The following PLEKHS1 variants were observed in gnomAD, a reference collection of about 807,000 sequenced individuals.
PLEKHS1 encodes pleckstrin homology domain containing S1, also known as pleckstrin homology domain-containing family S member 1.
PLEKHS1 carries 55 observed loss-of-function variants against 51.0 expected under a neutral mutation model. The ratio of observed to expected loss-of-function variants is 1.08; its 90% confidence interval spans 0.87 to 1.35. The LOEUF (loss-of-function observed/expected upper bound fraction) is 1.35. Among genes scored for constraint, PLEKHS1 ranks in the 40% most tolerant of loss-of-function variants. The probability of loss-of-function intolerance (pLI) is 0.00; values close to 1 mark genes in which losing one functional copy is unlikely to be tolerated. For missense variants in PLEKHS1, 398 were observed against 423.0 expected (o/e 0.94, Z 0.52); for synonymous variants, 153 against 144.8 (o/e 1.06, Z -0.41).
Position 113,780,596 on chromosome 10 carries a change from T to C in PLEKHS1, c.*-6T>C. The C allele has an allele frequency of 6.2e-7, 1 of 1,611,390 alleles. No homozygotes were observed. The highest frequency in any genetic ancestry group is 8.5e-7 in the Non-Finnish European group (1 of 1,177,860). ...CCATTTAACTTTCTTCTTTCTTGTG[T>C]TTTAGAAATTAAAGCTTACCATCGG... On this transcript the variant is annotated splice_polypyrimidine_tract_variant and splice_region_variant and intron_variant, in intron 11 of 11. Coordinates refer to ENST00000361048, the Ensembl canonical transcript of PLEKHS1.
At chr10:113,771,632 G>A (rs1009319769) in intron 7 of PLEKHS1, among the ~76,000 whole-genome samples, 7 of 137,556 alleles carry the variant, frequency 5.1e-5, no homozygotes, top group Admixed American at 8.1e-5. Context: ...CCGAGATCGC[G>A]CCACTGCACT....
rs377685343 is a variant in PLEKHS1 at position 113,764,261 on chromosome 10, C to G, written c.29-2150C>G. Reference sequence around the variant, plus strand: ...GACTACAGGCTTGCACCACCATGCCCGGCTAATTTTTGTATTTTTGTAGAG... The same window carrying G: ...GACTACAGGCTTGCACCACCATGCCGGGCTAATTTTTGTATTTTTGTAGAG... On this transcript the variant is annotated intron_variant, in intron 2 of 11. Coordinates refer to ENST00000361048, the Ensembl canonical transcript of PLEKHS1. Among the ~76,000 whole-genome samples the G allele has an allele frequency of 1.2e-4, 19 of 152,096 alleles. 1 individual carries two copies. The highest frequency in any genetic ancestry group is 2.5e-4 in the Non-Finnish European group (17 of 67,972).
intron 11 of PLEKHS1, chr10:113,777,510 C>A: frequency 6.4e-7 from 1 of 1,564,728 alleles, no homozygotes. Context: ...CATGATGTAG[C>A]AAAAAGAGCT....
chr10:113,765,194 G>A (rs896718285), intron 2 of PLEKHS1: 2 of 485,036 alleles, frequency 4.1e-6, no homozygotes, highest in Non-Finnish European at 7.5e-6. Context: ...CTTGAGCTTT[G>A]TTCTGGGATA....
At chr10:113,769,295 A>C (rs1337865187) in intron 6 of PLEKHS1, among the ~76,000 whole-genome samples, 1 of 152,240 alleles carries the variant, frequency 6.6e-6, no homozygotes, top group African/African-American at 2.4e-5. Context: ...TTTCATGTAC[A>C]TGCTTAGCAG....
intron 2 of PLEKHS1, among the ~76,000 whole-genome samples, chr10:113,763,134 A>G (rs776226140): frequency 1.3e-5 from 2 of 152,118 alleles, no homozygotes; most frequent in Non-Finnish European, 2.9e-5. Flanking sequence ...TTATAAGGGC[A>G]TATATGTTTA....
chr10:113,777,534 A>T (rs1290179925), intron 11 of PLEKHS1: 4 of 1,553,820 alleles, frequency 2.6e-6, no homozygotes, highest in Admixed American at 3.9e-5. Flanking sequence ...ATGGAATCAG[A>T]CTGGTGCAGG....
intron 11 of PLEKHS1, chr10:113,777,146 C>T (rs1353554553): frequency 1.2e-6 from 2 of 1,612,736 alleles, no homozygotes; most frequent in African/African-American, 1.3e-5. Context: ...GGAAGGCCCC[C>T]CACGTTTGGG....
intron 11 of PLEKHS1, among the ~76,000 whole-genome samples, 173 bp from the exon 12 acceptor site, chr10:113,776,951 G>A (rs1460842921): frequency 6.6e-6 from 1 of 152,196 alleles, no homozygotes; most frequent in East Asian, 1.9e-4. Context: ...CTGGGCTTTG[G>A]AGGAAGGGTT....
At position 113,766,643 on chromosome 10, in the gene PLEKHS1, CA is replaced by C; in HGVS notation, c.152del (p.Lys51ArgfsTer29). 6.2e-7 allele frequency: 1 copy of C among 1,611,996 alleles called. No individual in the cohort carries two copies. Among genetic ancestry groups the C allele is most frequent in the Non-Finnish European group, 8.5e-7 (1 of 1,179,526 alleles). On this transcript the variant is annotated frameshift_variant, in exon 4 of 12. Coordinates refer to ENST00000361048, the Ensembl canonical transcript of PLEKHS1. LOFTEE classifies it high-confidence loss of function. ...TGGAAAAAGCGGTTTTTCATCCTGT[CA>C]AAGGCTGGGGAAAAGAGCTTTAGTC...
chr10:113,778,411 A>G (rs1402494865), intron 11 of PLEKHS1, among the ~76,000 whole-genome samples: 1 of 152,232 alleles, frequency 6.6e-6, no homozygotes, highest in Non-Finnish European at 1.5e-5. Context: ...CCATTGTATT[A>G]GATGATTTCC....
exon 9 of PLEKHS1, chr10:113,774,257 G>A: frequency 1.2e-6 from 2 of 1,600,812 alleles, no homozygotes; most frequent in South Asian, 2.3e-5. Flanking sequence ...CAGTGATTCT[G>A]GTGAATCCAT....
chr10:113,777,068 G>T, intron 11 of PLEKHS1, 56 bp from the exon 12 acceptor site: 2 of 1,597,800 alleles, frequency 1.3e-6, no homozygotes, highest in East Asian at 2.2e-5. Flanking sequence ...TGCGTGCCCT[G>T]CCCTCCTGGC....
intron 2 of PLEKHS1, among the ~76,000 whole-genome samples, chr10:113,759,859 G>C (rs1301729782): frequency 6.6e-6 from 1 of 152,092 alleles, no homozygotes; most frequent in East Asian, 1.9e-4. Context: ...TTTTTAAAAA[G>C]CTTTATTGAG....
intron 5 of PLEKHS1, among the ~76,000 whole-genome samples, chr10:113,768,293 T>G (rs544338207): frequency 2.0e-5 from 3 of 152,124 alleles, no homozygotes; most frequent in Non-Finnish European, 4.4e-5. Flanking sequence ...AAAGCGGGTG[T>G]GGGAGAGACT....
intron 5 of PLEKHS1, 76 bp from the exon 6 acceptor site, chr10:113,768,739 C>A: frequency 8.2e-7 from 1 of 1,218,618 alleles, no homozygotes; most frequent in African/African-American, 1.5e-5. Flanking sequence ...TTCTAACATT[C>A]ATAAAAGAAT....
intron 7 of PLEKHS1, among the ~76,000 whole-genome samples, chr10:113,771,037 C>T (rs532549414): frequency 3.7e-4 from 57 of 152,304 alleles, no homozygotes; most frequent in Middle Eastern, 6.8e-3. Flanking sequence ...CATTCAGGGT[C>T]TTTTCCAAAC....
rs1253176582 is a variant in PLEKHS1 at position 113,774,256 on chromosome 10, T to G, written c.702T>G (p.Ser234=). Reference sequence around the variant, plus strand: ...ATAATATCATTGCTTCCAGTGATTCTGGTGAATCCATTGAAACTGATGGTC... The same window carrying G: ...ATAATATCATTGCTTCCAGTGATTCGGGTGAATCCATTGAAACTGATGGTC... Residue 234 remains serine, a synonymous_variant, in exon 9 of 12, where the codon TCT becomes TCG. Transcript: ENST00000361048. 3.1e-6 allele frequency: 5 copies of G among 1,601,668 alleles called. No homozygotes were observed. In the South Asian group the frequency reaches 5.7e-5, roughly 18 times the overall value.
chr10:113,752,048 C>T (rs750116172), intron 1 of PLEKHS1, among the ~76,000 whole-genome samples: 2 of 152,112 alleles, frequency 1.3e-5, no homozygotes, highest in Non-Finnish European at 1.5e-5. Flanking sequence ...ACAGCTAAAT[C>T]AGAAAGGCTT....
Sources: allele counts gnomAD v4.1 joint callset (sites outside exome capture counted in the v4.1 genomes callset), GRCh38; gene constraint gnomAD v4.1.1; transcripts MANE v1.5; gene names NCBI Gene and HGNC (gene_info 2026-07-23, HGNC 2026-07-21).